ASIC2: variants seen among roughly 807,000 people sequenced by gnomAD.
ASIC2 encodes the protein acid sensing ion channel subunit 2.
A neutral mutation model predicts 57.3 loss-of-function variants in ASIC2; 25 were observed. The ratio of observed to expected loss-of-function variants is 0.44; its 90% CI spans 0.32 to 0.61. The LOEUF (loss-of-function observed/expected upper bound fraction) is 0.61, where lower values mean the gene tolerates loss of function less well. Among genes scored for constraint, ASIC2 ranks in the 20% least tolerant of loss-of-function variants. ASIC2 has a pLI of 0.06. For missense variants in ASIC2, 641 were observed against 738.1 expected, an observed-to-expected ratio of 0.87 and a Z score of 1.52; for synonymous variants, 319 against 307.5, an observed-to-expected ratio of 1.04 and a Z score of -0.39.
At chr17:33,052,108 C>T (rs1189098465) in intron 3 of ASIC2, 1 of 152,122 alleles carries the variant, frequency 6.6e-6, no homozygotes, top group Non-Finnish European at 1.5e-5. Context: ...AAAGAGGAAC[C>T]CATGGAAAAG....
At chr17:33,639,963 C>A (rs1450911521) in intron 1 of ASIC2, among the ~76,000 whole-genome samples, 1 of 152,038 alleles carries the variant, frequency 6.6e-6, no homozygotes, top group Non-Finnish European at 1.5e-5. Context: ...GGTCCTGATA[C>A]AAGGAAGTGA....
At chr17:33,556,741 A>G (rs1915920030) in intron 1 of ASIC2, among the ~76,000 whole-genome samples, 1 of 152,216 alleles carries the variant, frequency 6.6e-6, no homozygotes, top group African/African-American at 2.4e-5. Context: ...GTTTACAGGT[A>G]AGCTAGCCAG....
chr17:33,314,651 A>G (rs1237932325), intron 1 of ASIC2, among the ~76,000 whole-genome samples: 2 of 152,224 alleles, frequency 1.3e-5, no homozygotes, highest in East Asian at 3.8e-4. Context: ...AAAAAGCAGA[A>G]GAGCTCAGTG....
chr17:33,363,505 A>G (rs904014442), intron 1 of ASIC2, among the ~76,000 whole-genome samples: 3 of 152,320 alleles, frequency 2.0e-5, no homozygotes, highest in East Asian at 1.9e-4. Flanking sequence ...AGCTTTGTTC[A>G]TGAGGCAGTG....
chr17:33,162,715 A>C (rs1905195848), intron 1 of ASIC2, among the ~76,000 whole-genome samples: 1 of 152,168 alleles, frequency 6.6e-6, no homozygotes, highest in South Asian at 2.1e-4. Context: ...AATTCCAGTG[A>C]CTGGGAATGC....
chr17:33,492,908 G>C lies in ASIC2; in HGVS notation c.556-380841C>G, dbSNP rs184479219. ...ATAGCCTGCGTGGATGTGGGTCAAG[G>C]GCCCCCGTGCAGCCCTGCCCTCTAA... is the stretch of plus-strand genomic sequence containing the variant. On this transcript the variant is annotated intron_variant, in intron 1 of 9. Coordinates refer to the ASIC2 transcript ENST00000359872. Among the ~76,000 whole-genome samples, 13 of 152,286 alleles carry C rather than the reference G, an allele frequency of 8.5e-5. No homozygotes were observed. The East Asian group carries it at 2.1e-3, about 25-fold the overall frequency.
At chr17:33,199,836 G>A (rs1200693103) in intron 1 of ASIC2, among the ~76,000 whole-genome samples, 1 of 152,076 alleles carries the variant, frequency 6.6e-6, no homozygotes, top group East Asian at 1.9e-4. Context: ...TAGCGAACTT[G>A]ATCATGACAT....
At chr17:33,455,086 A>T (rs912796973) in intron 1 of ASIC2, among the ~76,000 whole-genome samples, 2 of 152,184 alleles carry the variant, frequency 1.3e-5, no homozygotes, top group Admixed American at 1.3e-4. Context: ...CTCTTTGGAG[A>T]GGAGGCTTTT....
intron 1 of ASIC2, among the ~76,000 whole-genome samples, chr17:33,656,940 A>AGGT (rs1175933995): frequency 1.3e-5 from 2 of 152,192 alleles, no homozygotes; most frequent in Non-Finnish European, 2.9e-5. Flanking sequence ...AGCCACTGAA[A>AGGT]AGTGTCTTGA....
At chr17:33,554,735 A>T (rs1166832101) in intron 1 of ASIC2, among the ~76,000 whole-genome samples, 9 of 152,166 alleles carry the variant, frequency 5.9e-5, no homozygotes, top group Non-Finnish European at 1.3e-4. Flanking sequence ...GGGTACATAC[A>T]GTCCTCACCA....
chr17:33,497,063 G>C (rs192076295), intron 1 of ASIC2, among the ~76,000 whole-genome samples: 9 of 152,296 alleles, frequency 5.9e-5, no homozygotes, highest in Non-Finnish European at 5.9e-5. Flanking sequence ...TGGATGTGAT[G>C]GGGGGAAAGG....
intron 1 of ASIC2, among the ~76,000 whole-genome samples, chr17:33,884,195 G>A (rs1465325625): frequency 1.3e-5 from 2 of 152,302 alleles, no homozygotes; most frequent in Non-Finnish European, 2.9e-5. Context: ...TGGCCAGTGG[G>A]AGATTAGAAG....
intron 3 of ASIC2, among the ~76,000 whole-genome samples, chr17:33,060,635 G>T (rs2092017023): frequency 6.6e-6 from 1 of 152,144 alleles, no homozygotes; most frequent in East Asian, 1.9e-4. Flanking sequence ...GATTGACTTG[G>T]AAATGCGGGC....
chr17:33,639,778 A>AAAAAG (rs1555549191), intron 1 of ASIC2, among the ~76,000 whole-genome samples: 1 of 150,980 alleles, frequency 6.6e-6, no homozygotes. Flanking sequence ...AAAAAAAAAA[A>AAAAAG]GCGGAACAAA....
At chr17:33,388,041 C>T (rs1291588730) in intron 1 of ASIC2, among the ~76,000 whole-genome samples, 1 of 152,138 alleles carries the variant, frequency 6.6e-6, no homozygotes, top group Non-Finnish European at 1.5e-5. Flanking sequence ...GATTGAGCCA[C>T]TGCACTCCAG....
intron 1 of ASIC2, among the ~76,000 whole-genome samples, chr17:33,560,512 T>A (rs1301475592): frequency 6.6e-6 from 1 of 152,198 alleles, no homozygotes; most frequent in African/African-American, 2.4e-5. Context: ...CAGCAATGTA[T>A]CTAGGACCTT....
intron 6 of ASIC2, 78 bp downstream of exon 6, chr17:33,023,783 C>T: frequency 6.4e-7 from 1 of 1,574,366 alleles, no homozygotes. Flanking sequence ...CTTATCTTTG[C>T]TTTCCTCCTT....
At chr17:33,373,707 T>C (rs968290798) in intron 1 of ASIC2, among the ~76,000 whole-genome samples, 4 of 152,166 alleles carry the variant, frequency 2.6e-5, no homozygotes, top group Non-Finnish European at 5.9e-5. Flanking sequence ...AGATGGAGTC[T>C]TGCTCTGTTG....
intron 1 of ASIC2, chr17:34,001,050 A>G (rs1597968624): frequency 6.6e-6 from 1 of 152,046 alleles, no homozygotes; most frequent in Non-Finnish European, 1.5e-5. Flanking sequence ...ATTATTTTAA[A>G]TTATTTGTCA....
Sources: allele counts gnomAD v4.1 joint callset (sites outside exome capture counted in the v4.1 genomes callset), GRCh38; gene constraint gnomAD v4.1.1; transcripts MANE v1.5; gene names NCBI Gene and HGNC (gene_info 2026-07-23, HGNC 2026-07-21).